INSL6: variants seen among roughly 807,000 people sequenced by gnomAD.
INSL6 encodes insulin like 6, also known as insulin-like peptide INSL6.
INSL6 carries 16 observed loss-of-function variants against 9.4 expected under a neutral mutation model. The observed-to-expected ratio is 1.70, with a 90% CI of 1.15 to 2.59. INSL6 has a LOEUF of 2.59. INSL6 is among the 30% of genes most tolerant of loss of function. INSL6 has a pLI of 0.00. For missense variants in INSL6, 391 were observed against 257.3 expected, an observed-to-expected ratio of 1.52 and a Z score of -3.56; for synonymous variants, 154 against 96.9, an observed-to-expected ratio of 1.59 and a Z score of -3.46.
intron 2 of INSL6, among the ~76,000 whole-genome samples, chr9:5,141,086 A>ATATAAAAAAATGTGGT (rs1824487419): frequency 6.6e-6 from 1 of 152,136 alleles, no homozygotes; most frequent in Non-Finnish European, 1.5e-5. Flanking sequence ...TATATGTACC[A>ATATAAAAAAATGTGGT]CATTTTTTTA....
chr9:5,128,799 T>C (rs1824166260), intron 3 of INSL6, among the ~76,000 whole-genome samples: 1 of 152,006 alleles, frequency 6.6e-6, no homozygotes, highest in African/African-American at 2.4e-5. Context: ...AGTTATTAAG[T>C]TGGTTCTGTA....
chr9:5,122,120 T>G (rs138021636), downstream of INSL6, among the ~76,000 whole-genome samples: 5 of 152,264 alleles, frequency 3.3e-5, no homozygotes, highest in East Asian at 9.6e-4. Context: ...GAAGGATTTG[T>G]GGAGATTAGG....
the INSL6 span, chr9:5,094,174 G>C: frequency 6.6e-6 from 1 of 151,864 alleles, no homozygotes; most frequent in South Asian, 2.1e-4. Context: ...TAACAGTTAC[G>C]CAAAGGACCT....
At chr9:5,164,404 T>C in intron 1 of INSL6, 139 bp from the exon 2 acceptor site, 1 of 625,824 alleles carries the variant, frequency 1.6e-6, no homozygotes, top group Non-Finnish European at 2.7e-6. Context: ...AGTATGGTTA[T>C]TCAAAAGCAA....
intron 1 of INSL6, 120 bp downstream of exon 1, chr9:5,185,194 A>T: frequency 8.1e-7 from 1 of 1,240,854 alleles, no homozygotes; most frequent in Non-Finnish European, 1.2e-6. Context: ...ACAATTTTTT[A>T]AAGAGCTGTG....
intron 2 of INSL6, among the ~76,000 whole-genome samples, chr9:5,154,638 A>G (rs2130898018): frequency 6.6e-6 from 1 of 152,212 alleles, no homozygotes; most frequent in Non-Finnish European, 1.5e-5. Flanking sequence ...AAAAAAAGCA[A>G]AGAACCCCAT....
At chr9:5,015,239 G>A in the INSL6 span, among the ~76,000 whole-genome samples, 2 of 152,158 alleles carry the variant, frequency 1.3e-5, no homozygotes, top group African/African-American at 2.4e-5. Flanking sequence ...GAATATTCTT[G>A]TAATGTGTCT....
the INSL6 span, among the ~76,000 whole-genome samples, chr9:4,994,800 A>G: frequency 2.0e-5 from 3 of 150,978 alleles, no homozygotes; most frequent in Admixed American, 6.6e-5. Context: ...CCCATTTTTC[A>G]CTCCCCTTTG....
chr9:5,139,619 G>C (rs1824450907), intron 2 of INSL6, among the ~76,000 whole-genome samples: 2 of 152,120 alleles, frequency 1.3e-5, no homozygotes, highest in Non-Finnish European at 1.5e-5. Flanking sequence ...AACTAGAAGA[G>C]TGCTACTGGA....
chr9:5,003,660 T>C, the INSL6 span, among the ~76,000 whole-genome samples: 1 of 152,074 alleles, frequency 6.6e-6, no homozygotes, highest in African/African-American at 2.4e-5. Flanking sequence ...ATACTGACAA[T>C]TTTACTTATC....
chr9:4,997,248 G>C, the INSL6 span, among the ~76,000 whole-genome samples: 1 of 151,962 alleles, frequency 6.6e-6, no homozygotes, highest in Admixed American at 6.6e-5. Context: ...GTCTGTTCTT[G>C]CATTGCTATA....
chr9:5,172,415 C>CA (rs1426554002), intron 1 of INSL6, among the ~76,000 whole-genome samples: 2 of 152,064 alleles, frequency 1.3e-5, no homozygotes, highest in Admixed American at 6.6e-5. Flanking sequence ...GATTTCAGGA[C>CA]AAAATCACCA....
At chr9:5,097,156 C>T in the INSL6 span, 1 of 152,138 alleles carries the variant, frequency 6.6e-6, no homozygotes, top group Non-Finnish European at 1.5e-5. Flanking sequence ...AACTTTATTA[C>T]TACAATTATT....
At chr9:5,108,655 G>T in the INSL6 span, 5 of 151,810 alleles carry the variant, frequency 3.3e-5, no homozygotes, top group Non-Finnish European at 7.4e-5. Flanking sequence ...GGTATAATAC[G>T]GCTTACCCTT....
At chr9:5,105,977 C>CAA in the INSL6 span, among the ~76,000 whole-genome samples, 1 of 152,174 alleles carries the variant, frequency 6.6e-6, no homozygotes, top group Admixed American at 6.5e-5. Context: ...AAAGCCTAGG[C>CAA]AATACCATTC....
chr9:5,020,135 C>T, the INSL6 span, among the ~76,000 whole-genome samples: 5 of 152,116 alleles, frequency 3.3e-5, no homozygotes, highest in Non-Finnish European at 7.3e-5. Flanking sequence ...GTAGGAGAAC[C>T]TCTGGCTGTC....
the INSL6 span, chr9:5,112,567 C>T: frequency 7.8e-6 from 5 of 642,556 alleles, no homozygotes; most frequent in Admixed American, 2.6e-5. Flanking sequence ...CGCCAGGGAG[C>T]GGCTGCGGGT....
chr9:5,070,868 A>G, the INSL6 span, among the ~76,000 whole-genome samples: 3 of 152,116 alleles, frequency 2.0e-5, no homozygotes, highest in Non-Finnish European at 4.4e-5. Context: ...TTTAAGAGCA[A>G]TTTAAAAGGG....
chr9:5,055,624 C>G, the INSL6 span: 13 of 1,446,240 alleles, frequency 9.0e-6, no homozygotes, highest in South Asian at 1.1e-4. Context: ...TAAAATGGCT[C>G]TGTAAATTCT....
Sources: allele counts gnomAD v4.1 joint callset (sites outside exome capture counted in the v4.1 genomes callset), GRCh38; gene constraint gnomAD v4.1.1; transcripts MANE v1.5; gene names NCBI Gene and HGNC (gene_info 2026-07-23, HGNC 2026-07-21).